Variants in PLCB1 observed in about 807,000 individuals in gnomAD.
The protein encoded by PLCB1 is phospholipase C beta 1.
In PLCB1, 46 loss-of-function variants were observed where a neutral mutation model predicts 161.8. That is an observed-to-expected ratio of 0.28 (90% confidence interval 0.22 to 0.36). The LOEUF (loss-of-function observed/expected upper bound fraction) is 0.36, where lower values mean the gene tolerates loss of function less well. Ranked by LOEUF, PLCB1 falls within the 10% of genes least tolerant of loss-of-function variation. The pLI is 1.00. For missense variants in PLCB1, 1,016 were observed against 1,472.5 expected, an observed-to-expected ratio of 0.69 and a Z score of 5.07; for synonymous variants, 517 against 503.7, an observed-to-expected ratio of 1.03 and a Z score of -0.35.
chr20:8,502,934 C>T (rs1288322516), intron 3 of PLCB1, among the ~76,000 whole-genome samples: 3 of 152,148 alleles, frequency 2.0e-5, no homozygotes, highest in African/African-American at 4.8e-5. Flanking sequence ...TCAGTCCCCT[C>T]TTCCACTCTA....
At chr20:8,213,080 C>T (rs1031187762) in intron 2 of PLCB1, among the ~76,000 whole-genome samples, 1 of 152,128 alleles carries the variant, frequency 6.6e-6, no homozygotes, top group Admixed American at 6.6e-5. Flanking sequence ...GTCTTCACAA[C>T]TCTATTGTCT....
chr20:8,249,291 C>A (rs1398408915), intron 2 of PLCB1, among the ~76,000 whole-genome samples: 1 of 151,848 alleles, frequency 6.6e-6, no homozygotes, highest in Non-Finnish European at 1.5e-5. Context: ...AAAAGATGAT[C>A]TATTTTAAGG....
chr20:8,134,974 G>A (rs553041102), intron 1 of PLCB1, among the ~76,000 whole-genome samples: 13 of 151,886 alleles, frequency 8.6e-5, no homozygotes, highest in Admixed American at 7.2e-4. Context: ...GCTGATCAGT[G>A]GACTACAAGG....
At chr20:8,182,694 C>T (rs540204030) in intron 2 of PLCB1, among the ~76,000 whole-genome samples, 2 of 151,586 alleles carry the variant, frequency 1.3e-5, no homozygotes, top group African/African-American at 2.4e-5. Context: ...AATTCTTGTG[C>T]CTCAGCCTCC....
chr20:8,361,119 CAT>C (rs547785301), intron 2 of PLCB1, among the ~76,000 whole-genome samples: 279 of 152,300 alleles, frequency 1.8e-3, no homozygotes, highest in Middle Eastern at 3.4e-3. Flanking sequence ...TGAATCAAAA[CAT>C]GTGGAAATCA....
chr20:8,454,671 C>T (rs1056266346), intron 3 of PLCB1, among the ~76,000 whole-genome samples: 5 of 152,160 alleles, frequency 3.3e-5, no homozygotes, highest in Non-Finnish European at 5.9e-5. Flanking sequence ...TGCTATTCTG[C>T]AGACACCAGT....
Position 8,198,027 on chromosome 20 carries a change from T to C in PLCB1, c.177+47656T>C, listed in dbSNP as rs545738257. Among the ~76,000 whole-genome samples the C allele has an allele frequency of 5.9e-4, 90 of 152,294 alleles. 1 individual carries two copies. In the South Asian group the frequency reaches 0.01, roughly 18 times the overall value. On this transcript the variant is annotated intron_variant, in intron 2 of 31. Transcript: ENST00000338037. ...CTGTTCCATTGGTCTATATCTCTAT[T>C]TTGGTAAGAGTACCATGCTGTTTTG... is the stretch of plus-strand genomic sequence containing the variant.
At chr20:8,664,769 A>T (rs867604777) in intron 9 of PLCB1, among the ~76,000 whole-genome samples, 38 of 152,148 alleles carry the variant, frequency 2.5e-4, no homozygotes, top group African/African-American at 8.9e-4. Context: ...TCATTTTCTC[A>T]TACTGGCTCT....
chr20:8,658,518 T>G lies in PLCB1; in HGVS notation c.696-20T>G. On this transcript the variant is annotated intron_variant, in intron 8 of 31. Transcript: ENST00000338037. ...CTTAGTTTAAAAAATTCTTATTGCT[T>G]GGTTTTTCATTGTTTTTAGTGGTGC... 1.3e-6 allele frequency: 2 copies of G among 1,556,422 alleles called. No individual in the cohort carries two copies. Among genetic ancestry groups the G allele is most frequent in the Non-Finnish European group, 1.7e-6 (2 of 1,153,422 alleles).
intron 1 of PLCB1, among the ~76,000 whole-genome samples, chr20:8,143,587 A>G (rs995412462): frequency 1.3e-5 from 2 of 152,256 alleles, no homozygotes; most frequent in Non-Finnish European, 2.9e-5. Context: ...AAGTGAGTAT[A>G]GGAAGCATGG....
Position 8,672,338 on chromosome 20 carries a change from A to G in PLCB1, c.863-12594A>G, listed in dbSNP as rs1989967556. Among the ~76,000 whole-genome samples the G allele has an allele frequency of 3.3e-5, 5 of 152,218 alleles. No individual in the cohort carries two copies. In the South Asian group the frequency reaches 1.0e-3, roughly 32 times the overall value. On this transcript the variant is annotated intron_variant, in intron 9 of 31. Transcript: ENST00000338037. ...AAGATTGTTAAACAATATGCTGGAA[A>G]TATTTTAAATCATGAAACTCTTCTA... is the stretch of plus-strand genomic sequence containing the variant.
chr20:8,570,870 T>C (rs894152814), intron 3 of PLCB1, among the ~76,000 whole-genome samples: 3 of 152,168 alleles, frequency 2.0e-5, no homozygotes, highest in African/African-American at 7.2e-5. Flanking sequence ...AGCTGAGATC[T>C]GTATGAAAAG....
intron 3 of PLCB1, among the ~76,000 whole-genome samples, chr20:8,582,662 A>G (rs1986870406): frequency 6.6e-6 from 1 of 152,212 alleles, no homozygotes; most frequent in Non-Finnish European, 1.5e-5. Context: ...AAAATGGAGT[A>G]TATCCATACA....
intron 31 of PLCB1, among the ~76,000 whole-genome samples, chr20:8,868,244 G>C (rs1008434375): frequency 1.3e-5 from 2 of 152,152 alleles, no homozygotes; most frequent in Non-Finnish European, 2.9e-5. Context: ...TGAAAAACCA[G>C]GATCTTCCAA....
intron 12 of PLCB1, among the ~76,000 whole-genome samples, chr20:8,714,096 G>T (rs1979168152): frequency 6.6e-6 from 1 of 152,108 alleles, no homozygotes; most frequent in South Asian, 2.1e-4. Context: ...TTTGGCACAT[G>T]CTGACTTACC....
At chr20:8,478,184 C>G (rs1333029444) in intron 3 of PLCB1, among the ~76,000 whole-genome samples, 1 of 152,150 alleles carries the variant, frequency 6.6e-6, no homozygotes, top group Non-Finnish European at 1.5e-5. Context: ...TGTTGAGAAA[C>G]TATTTTGTGC....
At chr20:8,493,206 C>G (rs1983021002) in intron 3 of PLCB1, among the ~76,000 whole-genome samples, 1 of 152,096 alleles carries the variant, frequency 6.6e-6, no homozygotes, top group Non-Finnish European at 1.5e-5. Context: ...TCCTATATGT[C>G]ATCTATCTTT....
chr20:8,412,885 T>G (rs771196094), intron 3 of PLCB1, among the ~76,000 whole-genome samples: 1 of 151,754 alleles, frequency 6.6e-6, no homozygotes, highest in Non-Finnish European at 1.5e-5. Flanking sequence ...GGTTTTGGCA[T>G]AATGAAGAAT....
intron 3 of PLCB1, among the ~76,000 whole-genome samples, chr20:8,434,535 A>C (rs1347829614): frequency 6.6e-6 from 1 of 152,232 alleles, no homozygotes; most frequent in Non-Finnish European, 1.5e-5. Flanking sequence ...TTACTGTCCC[A>C]GGCATTTTAC....
Sources: allele counts gnomAD v4.1 joint callset (sites outside exome capture counted in the v4.1 genomes callset), GRCh38; gene constraint gnomAD v4.1.1; transcripts MANE v1.5; gene names NCBI Gene and HGNC (gene_info 2026-07-23, HGNC 2026-07-21).